GALNTL6: variants seen among roughly 807,000 people sequenced by gnomAD.
GALNTL6 encodes the protein polypeptide N-acetylgalactosaminyltransferase-like 6.
GALNTL6 carries 46 observed loss-of-function variants against 73.7 expected under a neutral mutation model. The observed-to-expected ratio is 0.62, with a 90% confidence interval of 0.49 to 0.80. The LOEUF (loss-of-function observed/expected upper bound fraction) is 0.80, where lower values mean the gene tolerates loss of function less well. Among genes scored for constraint, GALNTL6 ranks in the 30% least tolerant of loss-of-function variants. The probability of loss-of-function intolerance (pLI) is 0.00; values close to 1 mark genes in which losing one functional copy is unlikely to be tolerated. For missense variants in GALNTL6, 604 were observed against 755.0 expected (o/e 0.80, Z 2.34); for synonymous variants, 259 against 263.7 (o/e 0.98, Z 0.17).
intron 7 of GALNTL6, among the ~76,000 whole-genome samples, chr4:172,858,505 C>T (rs752356738): frequency 1.3e-5 from 2 of 152,092 alleles, no homozygotes; most frequent in Non-Finnish European, 2.9e-5. Context: ...ACCCATGCAA[C>T]TAACAAGAGG....
intron 2 of GALNTL6, among the ~76,000 whole-genome samples, chr4:172,104,462 T>C (rs1732622520): frequency 6.6e-6 from 1 of 152,128 alleles, no homozygotes; most frequent in Admixed American, 6.5e-5. Context: ...AACAAGGTTG[T>C]AGTAAATTGG....
At chr4:173,005,761 A>G (rs1008217379) in intron 10 of GALNTL6, among the ~76,000 whole-genome samples, 13 of 152,158 alleles carry the variant, frequency 8.5e-5, no homozygotes, top group South Asian at 2.1e-4. Flanking sequence ...ACCTTATCCT[A>G]TAGTGAACTC....
chr4:172,501,361 A>C (rs532604194), intron 5 of GALNTL6, among the ~76,000 whole-genome samples: 4 of 152,200 alleles, frequency 2.6e-5, no homozygotes, highest in African/African-American at 7.2e-5. Context: ...AACATAAAGG[A>C]TATTTCTCAT....
intron 5 of GALNTL6, among the ~76,000 whole-genome samples, chr4:172,351,183 C>CTGTCTGTCTGTCTATTTATT (rs528746102): frequency 7.6e-6 from 1 of 131,440 alleles, no homozygotes; most frequent in East Asian, 2.1e-4. Flanking sequence ...AATAATCTGT[C>CTGTCTGTCTGTCTATTTATT]TATCTATCTA....
chr4:172,229,845 A>G (rs1736993336), intron 3 of GALNTL6, 81 bp downstream of exon 3: 2 of 810,138 alleles, frequency 2.5e-6, no homozygotes, highest in South Asian at 3.1e-5. Flanking sequence ...TCTAATTAGC[A>G]TTTCTTCTGC....
chr4:172,892,409 G>A (rs530129572), intron 8 of GALNTL6, among the ~76,000 whole-genome samples: 14 of 152,218 alleles, frequency 9.2e-5, no homozygotes, highest in African/African-American at 3.4e-4. Context: ...CCAGGGCTCT[G>A]TATGGGCTAC....
intron 2 of GALNTL6, among the ~76,000 whole-genome samples, chr4:171,837,382 G>C (rs1010134928): frequency 7.3e-5 from 11 of 150,002 alleles, no homozygotes; most frequent in African/African-American, 2.2e-4. Context: ...GGATATTTTG[G>C]GGGGCGATTG....
intron 3 of GALNTL6, among the ~76,000 whole-genome samples, chr4:172,291,967 C>T (rs1440719884): frequency 6.6e-6 from 1 of 152,092 alleles, no homozygotes; most frequent in East Asian, 1.9e-4. Context: ...CATATAAAGA[C>T]AACTATTTTA....
intron 5 of GALNTL6, among the ~76,000 whole-genome samples, chr4:172,581,411 C>G (rs892295859): frequency 1.3e-5 from 2 of 152,124 alleles, no homozygotes; most frequent in Non-Finnish European, 2.9e-5. Flanking sequence ...CCTGTGTTTT[C>G]TCTGAAGCCC....
intron 2 of GALNTL6, among the ~76,000 whole-genome samples, chr4:171,924,707 A>G (rs1233565908): frequency 1.3e-5 from 2 of 152,148 alleles, no homozygotes; most frequent in Non-Finnish European, 2.9e-5. Context: ...AAAAAGTCCA[A>G]TTCTCCTTGT....
intron 2 of GALNTL6, among the ~76,000 whole-genome samples, chr4:172,228,425 CT>C (rs1358477337): frequency 6.6e-6 from 1 of 151,902 alleles, no homozygotes; most frequent in Non-Finnish European, 1.5e-5. Context: ...TTTCAACTAC[CT>C]TTTTTAAGAA....
At position 172,017,467 on chromosome 4, in the gene GALNTL6, C is replaced by T. The variant is rs150676112; in HGVS notation, c.138+202749C>T. On this transcript the variant is annotated intron_variant, in intron 2 of 12. Coordinates refer to ENST00000506823, the MANE Select transcript of GALNTL6 (RefSeq NM_001034845.3). ...GCTGTCTATAGAGGCCTCCATGCTGCGTTCTTCTGGGAGAAGCCCCAATTG... is the reference window on the plus strand; with the variant it reads ...GCTGTCTATAGAGGCCTCCATGCTGTGTTCTTCTGGGAGAAGCCCCAATTG... Among the ~76,000 whole-genome samples the T allele has an allele frequency of 3.3e-3, 507 of 152,202 alleles. 1 individual carries two copies. The highest frequency in any genetic ancestry group is 5.5e-3 in the Non-Finnish European group (377 of 68,000).
chr4:172,515,614 G>A (rs1226583600), intron 5 of GALNTL6, among the ~76,000 whole-genome samples: 1 of 152,228 alleles, frequency 6.6e-6, no homozygotes, highest in Non-Finnish European at 1.5e-5. Flanking sequence ...TGAACACTGG[G>A]TGTGATAACA....
At chr4:172,769,962 A>G (rs944559596) in intron 5 of GALNTL6, among the ~76,000 whole-genome samples, 1 of 152,150 alleles carries the variant, frequency 6.6e-6, no homozygotes, top group Admixed American at 6.5e-5. Flanking sequence ...AGATTATAAT[A>G]AAAACAAATG....
At chr4:172,928,218 A>G (rs531716298) in intron 8 of GALNTL6, among the ~76,000 whole-genome samples, 1 of 152,340 alleles carries the variant, frequency 6.6e-6, no homozygotes, top group African/African-American at 2.4e-5. Context: ...GGCCCTTTAC[A>G]GAAAGAGTTT....
chr4:172,128,177 A>C (rs1282291522), intron 2 of GALNTL6, among the ~76,000 whole-genome samples: 2 of 152,208 alleles, frequency 1.3e-5, no homozygotes, highest in African/African-American at 4.8e-5. Flanking sequence ...AAGATATTTC[A>C]ATTTTTATTT....
At chr4:172,805,245 T>A (rs541806245) in intron 5 of GALNTL6, among the ~76,000 whole-genome samples, 9 of 152,190 alleles carry the variant, frequency 5.9e-5, no homozygotes, top group Non-Finnish European at 1.3e-4. Flanking sequence ...GTATTTTTGG[T>A]GTTTAGTTGC....
Position 172,044,680 on chromosome 4 carries a change from T to C in GALNTL6, c.139-184976T>C, listed in dbSNP as rs189947668. Among the ~76,000 whole-genome samples the C allele has an allele frequency of 1.2e-3, 190 of 152,134 alleles. 1 individual carries two copies. Among genetic ancestry groups the C allele is most frequent in the African/African-American group, 4.4e-3 (181 of 41,560 alleles). On this transcript the variant is annotated intron_variant, in intron 2 of 12. Transcript: ENST00000506823. ...AAAGAGATGATTTTAATTTTGCTTTTTTCATTGTAATTGATTTATTAGACT... is the reference window on the plus strand; with the variant it reads ...AAAGAGATGATTTTAATTTTGCTTTCTTCATTGTAATTGATTTATTAGACT...
intron 2 of GALNTL6, among the ~76,000 whole-genome samples, chr4:171,909,442 A>G (rs1462691324): frequency 6.6e-6 from 1 of 152,204 alleles, no homozygotes; most frequent in African/African-American, 2.4e-5. Context: ...ATGAAAGATC[A>G]TCTTACTTCT....
Sources: gnomAD v4.1 joint callset for allele counts (sites outside exome capture counted in the v4.1 genomes callset) on GRCh38, gnomAD v4.1.1 for gene constraint, MANE v1.5 for transcripts, NCBI Gene and HGNC (gene_info 2026-07-23, HGNC 2026-07-21) for gene names.